NELL1: variants seen among roughly 807,000 people sequenced by gnomAD.
NELL1 encodes the protein protein kinase C-binding protein NELL1.
NELL1 carries 76 observed loss-of-function variants against 107.4 expected under a neutral mutation model. That is an observed-to-expected ratio of 0.71 (90% CI 0.59 to 0.86). The LOEUF (loss-of-function observed/expected upper bound fraction) is 0.86, where lower values mean the gene tolerates loss of function less well. NELL1 is among the 40% of genes least tolerant of loss of function. NELL1 has a pLI of 0.00. For synonymous variants in NELL1, 353 were observed against 341.2 expected, an observed-to-expected ratio of 1.03 and a Z score of -0.38; for missense variants, 1,024 against 1,005.5, an observed-to-expected ratio of 1.02 and a Z score of -0.25.
At chr11:20,886,556 G>A (rs1849512828) in intron 5 of NELL1, among the ~76,000 whole-genome samples, 1 of 152,184 alleles carries the variant, frequency 6.6e-6, no homozygotes. Context: ...AGGGGTATCA[G>A]TACCAGAACT....
intron 15 of NELL1, among the ~76,000 whole-genome samples, chr11:21,374,847 G>C (rs1211070415): frequency 2.0e-5 from 3 of 151,000 alleles, no homozygotes; most frequent in Non-Finnish European, 4.4e-5. Flanking sequence ...CCACAAACTG[G>C]GATTCAGCTA....
chr11:20,763,786 C>T (rs72944704), intron 2 of NELL1, among the ~76,000 whole-genome samples: 4,309 of 152,236 alleles, frequency 0.028, 106 homozygotes, highest in Non-Finnish European at 0.04. Context: ...GTGAGGCTGG[C>T]GAGCCTAGAG....
chr11:20,971,230 A>T (rs1851495044), intron 12 of NELL1, among the ~76,000 whole-genome samples: 1 of 152,148 alleles, frequency 6.6e-6, no homozygotes, highest in Non-Finnish European at 1.5e-5. Flanking sequence ...TCATGCTGAG[A>T]CATTTTTTTG....
intron 14 of NELL1, among the ~76,000 whole-genome samples, chr11:21,362,452 C>T (rs755202987): frequency 6.6e-6 from 1 of 152,174 alleles, no homozygotes; most frequent in Non-Finnish European, 1.5e-5. Flanking sequence ...GTTTAGTGTG[C>T]TAGCTTTCTT....
chr11:21,022,140 T>C (rs1167750525), intron 12 of NELL1, among the ~76,000 whole-genome samples: 2 of 152,102 alleles, frequency 1.3e-5, no homozygotes, highest in Non-Finnish European at 2.9e-5. Context: ...AAAACCACTA[T>C]GCTATTTGAT....
intron 13 of NELL1, among the ~76,000 whole-genome samples, chr11:21,129,108 G>A (rs1224843513): frequency 6.6e-6 from 1 of 152,006 alleles, no homozygotes; most frequent in Non-Finnish European, 1.5e-5. Context: ...GATTATTATA[G>A]CTTTTCTCCT....
intron 13 of NELL1, among the ~76,000 whole-genome samples, chr11:21,182,017 T>C (rs779910531): frequency 2.0e-5 from 3 of 151,930 alleles, no homozygotes; most frequent in Admixed American, 6.6e-5. Context: ...CCCAATGTAA[T>C]AGATAAGAAT....
chr11:20,831,206 C>G (rs908062111), intron 3 of NELL1, among the ~76,000 whole-genome samples: 1 of 152,132 alleles, frequency 6.6e-6, no homozygotes, highest in Admixed American at 6.6e-5. Flanking sequence ...TCTTAACAAT[C>G]GTACTCATCT....
At chr11:20,842,710 G>T (rs906769867) in intron 3 of NELL1, among the ~76,000 whole-genome samples, 5 of 152,166 alleles carry the variant, frequency 3.3e-5, no homozygotes, top group Admixed American at 1.3e-4. Context: ...ATAAAATAGG[G>T]ATGATAATAG....
chr11:21,360,820 A>G (rs1298548789), intron 14 of NELL1, among the ~76,000 whole-genome samples: 1 of 152,184 alleles, frequency 6.6e-6, no homozygotes, highest in Non-Finnish European at 1.5e-5. Context: ...TGCACAGAAT[A>G]TCTTTATCTG....
intron 15 of NELL1, among the ~76,000 whole-genome samples, chr11:21,375,254 T>C (rs1225943078): frequency 2.0e-5 from 3 of 152,088 alleles, no homozygotes; most frequent in Non-Finnish European, 4.4e-5. Flanking sequence ...CATCTTTATG[T>C]CCATATTTAC....
intron 15 of NELL1, among the ~76,000 whole-genome samples, chr11:21,419,168 T>G (rs540362516): frequency 3.9e-5 from 6 of 152,086 alleles, no homozygotes; most frequent in African/African-American, 1.4e-4. Context: ...CCAAGTCTCT[T>G]ATACTTGAGA....
chr11:21,035,538 G>A (rs184748042), intron 12 of NELL1, among the ~76,000 whole-genome samples: 3 of 150,626 alleles, frequency 2.0e-5, no homozygotes, highest in African/African-American at 4.9e-5. Flanking sequence ...TATTCACCAC[G>A]ATCAAGTAGG....
At chr11:21,113,025 C>T (rs1855143970) in intron 12 of NELL1, among the ~76,000 whole-genome samples, 1 of 151,938 alleles carries the variant, frequency 6.6e-6, no homozygotes, top group African/African-American at 2.4e-5. Flanking sequence ...ATTATTCTAT[C>T]ACATGGGGAG....
At position 21,575,151 on chromosome 11, in the gene NELL1, C is replaced by G. The variant is rs890511407; in HGVS notation, c.*129C>G. On this transcript the variant is annotated 3_prime_UTR_variant, in exon 20 of 20. Transcript: ENST00000357134. ...TAACCACAGATAATTGCCAAAGTTTCCACCTGAGGACGGTGTTTGGAGGTT... is the reference window on the plus strand; with the variant it reads ...TAACCACAGATAATTGCCAAAGTTTGCACCTGAGGACGGTGTTTGGAGGTT... The G allele has an allele frequency of 2.4e-6, 2 of 824,026 alleles. No individual in the cohort carries two copies. The highest frequency in any genetic ancestry group is 2.7e-5 in the East Asian group (1 of 37,394). 51.0% of individuals were successfully genotyped at this position (824,026 alleles called of 1,614,324 possible).
chr11:21,130,640 A>G (rs936096628), intron 13 of NELL1, among the ~76,000 whole-genome samples: 1 of 152,264 alleles, frequency 6.6e-6, no homozygotes, highest in East Asian at 1.9e-4. Context: ...ATGGTATTAC[A>G]TTTTCCCTGC....
chr11:20,856,305 G>A (rs908823181), intron 4 of NELL1, among the ~76,000 whole-genome samples: 1 of 152,088 alleles, frequency 6.6e-6, no homozygotes, highest in Non-Finnish European at 1.5e-5. Flanking sequence ...CACACCTGAG[G>A]GTTTTCATTG....
At chr11:21,277,516 A>C (rs1401823530) in intron 14 of NELL1, among the ~76,000 whole-genome samples, 1 of 152,048 alleles carries the variant, frequency 6.6e-6, no homozygotes, top group Non-Finnish European at 1.5e-5. Context: ...CTAGAACTAG[A>C]AATACCATTT....
At chr11:21,175,926 C>G (rs752385365) in intron 13 of NELL1, among the ~76,000 whole-genome samples, 49 of 151,784 alleles carry the variant, frequency 3.2e-4, no homozygotes, top group Non-Finnish European at 6.3e-4. Flanking sequence ...GCTTATCTAA[C>G]CTAGATGTCT....
Sources: gnomAD v4.1 joint callset for allele counts (sites outside exome capture counted in the v4.1 genomes callset) on GRCh38, gnomAD v4.1.1 for gene constraint, MANE v1.5 for transcripts, NCBI Gene and HGNC (gene_info 2026-07-23, HGNC 2026-07-21) for gene names.